Variants in GADL1 observed in about 807,000 individuals in gnomAD.
GADL1 encodes GAD like acidic amino acid decarboxylase 1, also known as acidic amino acid decarboxylase GADL1.
GADL1 carries 71 observed loss-of-function variants against 69.5 expected under a neutral mutation model. The observed-to-expected ratio is 1.02, with a 90% confidence interval of 0.84 to 1.25. The LOEUF is 1.25. GADL1 is among the 50% of genes most tolerant of loss of function. GADL1 has a pLI of 0.00. For synonymous variants in GADL1, 254 were observed against 214.4 expected, an observed-to-expected ratio of 1.18 and a Z score of -1.62; for missense variants, 737 against 631.8, an observed-to-expected ratio of 1.17 and a Z score of -1.79.
At position 30,750,097 on chromosome 3, in the gene GADL1, CCTT is replaced by C. The variant is rs576103189; in HGVS notation, c.1393-21685_1393-21683del. On this transcript the variant is annotated intron_variant, in intron 14 of 14. Coordinates refer to ENST00000282538, the MANE Select transcript of GADL1 (RefSeq NM_207359.3). ...ACAAGTGACTCCTCCTCCTCTTTCT[CCTT>C]CTTCATCAAAGTAAATTAGAAAATA... 8.7e-4 allele frequency among the ~76,000 whole-genome samples: 133 copies of C among 152,268 alleles called. No homozygotes were observed. In the Middle Eastern group the frequency reaches 0.014, roughly 16 times the overall value.
intron 11 of GADL1, among the ~76,000 whole-genome samples, chr3:30,813,399 C>A (rs1275765423): frequency 6.6e-6 from 1 of 152,112 alleles, no homozygotes; most frequent in East Asian, 1.9e-4. Context: ...GAAATGTTCT[C>A]TTTCAAACTG....
chr3:30,888,857 G>A (rs982059805), intron 1 of GADL1, among the ~76,000 whole-genome samples: 3 of 151,834 alleles, frequency 2.0e-5, no homozygotes, highest in Non-Finnish European at 4.4e-5. Flanking sequence ...TTCCACTTCT[G>A]TCAGAAAACC....
chr3:30,874,886 T>C (rs1698555829), intron 1 of GADL1, among the ~76,000 whole-genome samples: 2 of 151,878 alleles, frequency 1.3e-5, no homozygotes, highest in African/African-American at 2.4e-5. Flanking sequence ...ACCCAAAATT[T>C]AGTAGCTTAA....
chr3:30,862,887 A>G (rs1359953025), intron 1 of GADL1, among the ~76,000 whole-genome samples: 2 of 152,080 alleles, frequency 1.3e-5, no homozygotes, highest in African/African-American at 2.4e-5. Flanking sequence ...TGTATTTTTC[A>G]TTCTTGCAGC....
At chr3:30,781,861 CTT>C (rs1454286858) in intron 13 of GADL1, among the ~76,000 whole-genome samples, 1 of 152,168 alleles carries the variant, frequency 6.6e-6, no homozygotes, top group African/African-American at 2.4e-5. Flanking sequence ...AAAGAGATGT[CTT>C]TTAAAGTGGA....
intron 1 of GADL1, among the ~76,000 whole-genome samples, chr3:30,878,672 C>T (rs995314518): frequency 1.3e-5 from 2 of 152,028 alleles, no homozygotes; most frequent in Middle Eastern, 3.4e-3. Context: ...GGCAACTGCA[C>T]TTATCCAAAG....
At position 30,857,160 on chromosome 3, in the gene GADL1, C is replaced by T; in HGVS notation, c.211-19G>A. The stretch of plus-strand genomic sequence containing the variant: ...CACACACCTGGAGATTCAACCACAA[C>T]ACAAATTGAGTATCCACCATAGCCA... On this transcript the variant is annotated intron_variant, in intron 2 of 14. Transcript: ENST00000282538. 5 of 1,548,564 alleles carry T rather than the reference C, an allele frequency of 3.2e-6. No homozygotes were observed. The highest frequency in any genetic ancestry group is 4.4e-6 in the Non-Finnish European group (5 of 1,144,720).
Position 30,770,596 on chromosome 3 carries a change from G to A in GADL1, c.1392+7583C>T, listed in dbSNP as rs181735393. ...GGTCACAAGTGAACAAGTGTTTACT[G>A]TTAGCTGTGGGTGGCCACTCCCACA... On this transcript the variant is annotated intron_variant, in intron 14 of 14. Coordinates refer to ENST00000282538, the MANE Select transcript of GADL1 (RefSeq NM_207359.3). Among the ~76,000 whole-genome samples, 47 of 135,210 alleles carry A rather than the reference G, an allele frequency of 3.5e-4. No homozygotes were observed. In the East Asian group the frequency reaches 0.011, roughly 31 times the overall value. The allele number at this position is 135,210 out of a possible 152,430, so 88.7% of individuals were successfully genotyped here.
intron 14 of GADL1, among the ~76,000 whole-genome samples, chr3:30,770,994 C>T (rs921121749): frequency 3.3e-5 from 5 of 152,064 alleles, no homozygotes; most frequent in African/African-American, 9.7e-5. Flanking sequence ...AAATTTTATG[C>T]GTTGAAAGAT....
chr3:30,755,292 A>AAAGC (rs66490818), intron 14 of GADL1, among the ~76,000 whole-genome samples: 1 of 54,498 alleles, frequency 1.8e-5, no homozygotes, highest in African/African-American at 8.2e-5. Flanking sequence ...TTGATTTATT[A>AAAGC]ACCTGGATGC....
intron 4 of GADL1, among the ~76,000 whole-genome samples, chr3:30,852,168 T>A (rs1698157981): frequency 6.6e-6 from 1 of 152,272 alleles, no homozygotes; most frequent in East Asian, 1.9e-4. Context: ...TATCACCTAC[T>A]ATTTATCACC....
intron 11 of GADL1, among the ~76,000 whole-genome samples, chr3:30,827,735 T>G (rs1267013004): frequency 6.6e-6 from 1 of 151,884 alleles, no homozygotes; most frequent in Non-Finnish European, 1.5e-5. Flanking sequence ...ATACAAGAAT[T>G]AAGAGTATTT....
At chr3:30,805,439 T>A (rs575784624) in intron 11 of GADL1, among the ~76,000 whole-genome samples, 1 of 149,314 alleles carries the variant, frequency 6.7e-6, no homozygotes, top group South Asian at 2.2e-4. Flanking sequence ...ATAACTAAGA[T>A]CCTGTTTCAA....
intron 14 of GADL1, among the ~76,000 whole-genome samples, chr3:30,771,847 C>T (rs1696426542): frequency 6.6e-6 from 1 of 152,156 alleles, no homozygotes; most frequent in Non-Finnish European, 1.5e-5. Flanking sequence ...CTACAAGTCC[C>T]TAAGAGATCA....
intron 11 of GADL1, among the ~76,000 whole-genome samples, chr3:30,801,976 G>A (rs968693396): frequency 6.6e-6 from 1 of 152,144 alleles, no homozygotes; most frequent in African/African-American, 2.4e-5. Context: ...CCATTTGCTT[G>A]AATCTAACTC....
intron 14 of GADL1, among the ~76,000 whole-genome samples, chr3:30,770,995 G>A (rs9854881): frequency 0.25 from 37,697 of 152,070 alleles, 5,432 homozygotes; most frequent in Non-Finnish European, 0.32. Flanking sequence ...AATTTTATGC[G>A]TTGAAAGATG....
chr3:30,737,644 A>T (rs1022457664), intron 14 of GADL1, among the ~76,000 whole-genome samples: 1 of 152,176 alleles, frequency 6.6e-6, no homozygotes, highest in Non-Finnish European at 1.5e-5. Context: ...AGTTTAAATT[A>T]TGTAAAATTG....
chr3:30,737,327 C>G (rs76405812), intron 14 of GADL1, among the ~76,000 whole-genome samples: 1,557 of 152,058 alleles, frequency 0.01, 28 homozygotes, highest in African/African-American at 0.036. Flanking sequence ...TTGAGAATTT[C>G]CTCTCGCATT....
chr3:30,787,834 T>C (rs2125500608), intron 12 of GADL1, among the ~76,000 whole-genome samples: 1 of 152,318 alleles, frequency 6.6e-6, no homozygotes, highest in African/African-American at 2.4e-5. Context: ...AAAGGGATTA[T>C]TACGTCATTT....
Sources: allele counts gnomAD v4.1 joint callset (sites outside exome capture counted in the v4.1 genomes callset), GRCh38; gene constraint gnomAD v4.1.1; transcripts MANE v1.5; gene names NCBI Gene and HGNC (gene_info 2026-07-23, HGNC 2026-07-21).